Variants in GLRA1 observed in about 807,000 individuals in gnomAD.
The protein encoded by GLRA1 is glycine receptor alpha 1.
Under a neutral mutation model 48.3 loss-of-function variants are expected in GLRA1, and 37 were observed. The observed-to-expected ratio is 0.77, with a 90% CI of 0.59 to 1.01. The LOEUF is 1.01. GLRA1 is among the 50% of genes least tolerant of loss of function. The probability of loss-of-function intolerance (pLI) is 0.00; values close to 1 mark genes in which losing one functional copy is unlikely to be tolerated. For missense variants in GLRA1, 427 were observed against 571.0 expected (o/e 0.75, Z 2.57); for synonymous variants, 196 against 210.7 (o/e 0.93, Z 0.60).
chr5:151,825,956 G>A (rs1763260192), intron 8 of GLRA1, among the ~76,000 whole-genome samples: 1 of 152,184 alleles, frequency 6.6e-6, no homozygotes. Context: ...CTTACTCTAA[G>A]GAAACTATTC....
At chr5:151,851,001 T>A (rs765529475) in intron 7 of GLRA1, among the ~76,000 whole-genome samples, 15 of 152,214 alleles carry the variant, frequency 9.9e-5, no homozygotes, top group Non-Finnish European at 1.9e-4. Flanking sequence ...TCTCTAGATA[T>A]GAGATTAGTG....
chr5:151,921,351 G>A (rs555175195), intron 1 of GLRA1, among the ~76,000 whole-genome samples: 1 of 152,286 alleles, frequency 6.6e-6, no homozygotes, highest in South Asian at 2.1e-4. Flanking sequence ...CTGTACTGTG[G>A]TTTGAAACCT....
intron 1 of GLRA1, among the ~76,000 whole-genome samples, chr5:151,897,811 GATGTAGGTGA>G (rs1294450571): frequency 1.3e-5 from 2 of 152,176 alleles, no homozygotes; most frequent in African/African-American, 4.8e-5. Context: ...AGTGTCTATG[GATGTAGGTGA>G]GTTTGTGTGA....
rs79659795 is a variant in GLRA1, at chr5:151,897,718, A to G, written c.57-5280T>C. Among the ~76,000 whole-genome samples the G allele has an allele frequency of 8.0e-3, 1,221 of 152,342 alleles. 19 individuals carry two copies. Among genetic ancestry groups the G allele is most frequent in the African/African-American group, 0.028 (1,146 of 41,586 alleles). On this transcript the variant is annotated intron_variant, in intron 1 of 8. Coordinates refer to ENST00000274576, the MANE Select transcript of GLRA1 (RefSeq NM_000171.4). Reference sequence around the variant, plus strand: ...TCTAGGACTATTTAGACACTCTTGCATAATAATCTGAAGATCCTTACATCC... The same window carrying G: ...TCTAGGACTATTTAGACACTCTTGCGTAATAATCTGAAGATCCTTACATCC...
intron 1 of GLRA1, among the ~76,000 whole-genome samples, chr5:151,923,925 C>T (rs368555377): frequency 2.5e-4 from 38 of 152,100 alleles, no homozygotes; most frequent in African/African-American, 9.2e-4. Flanking sequence ...CTATTGTTTC[C>T]AAGCACTCAG....
rs1273913661 is a variant in GLRA1, at chr5:151,924,635, T to G, written c.-86A>C. 2.5e-5 allele frequency: 21 copies of G among 849,562 alleles called. No homozygotes were observed. Among genetic ancestry groups the G allele is most frequent in the Non-Finnish European group, 3.7e-5 (18 of 481,616 alleles). The allele number at this position is 849,562 out of a possible 1,614,324, so 52.6% of individuals were successfully genotyped here. On this transcript the variant is annotated 5_prime_UTR_variant, in exon 1 of 9. Transcript: ENST00000274576. ...CACTTACAAAACCAGAAAGCGCTAT[T>G]GCAAAAAATAATCCAGATGTTAAAG...
chr5:151,848,399 C>T (rs1179377063), intron 7 of GLRA1, among the ~76,000 whole-genome samples: 1 of 152,112 alleles, frequency 6.6e-6, no homozygotes, highest in South Asian at 2.1e-4. Flanking sequence ...TGGAGTCTCA[C>T]TCTGTTGCCC....
chr5:151,823,902 T>C (rs1465485473), intron 8 of GLRA1, among the ~76,000 whole-genome samples: 1 of 152,096 alleles, frequency 6.6e-6, no homozygotes, highest in Non-Finnish European at 1.5e-5. Flanking sequence ...GCTCTCCTCA[T>C]GTCCAGCTTT....
chr5:151,826,341 C>T (rs1763268987), intron 8 of GLRA1, among the ~76,000 whole-genome samples: 1 of 152,152 alleles, frequency 6.6e-6, no homozygotes, highest in Non-Finnish European at 1.5e-5. Flanking sequence ...TCTGGCCTTC[C>T]GGCTACTAGT....
chr5:151,908,656 GT>G lies in GLRA1; in HGVS notation c.56+15837del, dbSNP rs894409441. On this transcript the variant is annotated intron_variant, in intron 1 of 8. Transcript: ENST00000274576. ...TCTCCACATTTCTCTCCCCTTTCTT[GT>G]TTTTTTTTTAAATTGTTCATTTTAT... 6.7e-5 allele frequency among the ~76,000 whole-genome samples: 10 copies of G among 148,346 alleles called. No homozygotes were observed. The East Asian group carries it at 9.8e-4, about 15-fold the overall frequency.
intron 7 of GLRA1, among the ~76,000 whole-genome samples, chr5:151,847,725 CAAA>C (rs769363716): frequency 2.3e-5 from 2 of 87,734 alleles, no homozygotes; most frequent in African/African-American, 4.0e-5. Context: ...GACTTCGTCT[CAAA>C]AAAAAAAAAA....
chr5:151,906,121 A>G (rs953617574), intron 1 of GLRA1, among the ~76,000 whole-genome samples: 1 of 152,194 alleles, frequency 6.6e-6, no homozygotes, highest in Non-Finnish European at 1.5e-5. Context: ...TAACACTTTC[A>G]ATTTGTTTCC....
intron 1 of GLRA1, among the ~76,000 whole-genome samples, chr5:151,912,614 G>A (rs889275527): frequency 6.6e-6 from 1 of 152,204 alleles, no homozygotes; most frequent in African/African-American, 2.4e-5. Flanking sequence ...GTGAGATACA[G>A]CAGTGCTTTA....
chr5:151,883,007 G>A (rs1431851755), intron 3 of GLRA1, among the ~76,000 whole-genome samples: 1 of 152,098 alleles, frequency 6.6e-6, no homozygotes, highest in African/African-American at 2.4e-5. Flanking sequence ...ACCTATTGGT[G>A]ATGTTAAGTG....
intron 1 of GLRA1, among the ~76,000 whole-genome samples, chr5:151,917,593 A>G (rs1384600719): frequency 2.6e-5 from 4 of 152,140 alleles, no homozygotes; most frequent in African/African-American, 9.7e-5. Flanking sequence ...TTGCTCTTTT[A>G]TATATTTGTT....
intron 1 of GLRA1, among the ~76,000 whole-genome samples, chr5:151,911,390 T>C (rs1380783460): frequency 6.6e-6 from 1 of 152,168 alleles, no homozygotes; most frequent in Non-Finnish European, 1.5e-5. Flanking sequence ...CTTTTTACAC[T>C]TGTTGCTTGC....
At chr5:151,829,880 C>T (rs1332883282) in intron 7 of GLRA1, among the ~76,000 whole-genome samples, 1 of 152,208 alleles carries the variant, frequency 6.6e-6, no homozygotes, top group Admixed American at 6.5e-5. Context: ...GGTTCATTCA[C>T]ATCGTAACAT....
intron 3 of GLRA1, among the ~76,000 whole-genome samples, chr5:151,868,953 G>A (rs1200979391): frequency 3.3e-5 from 5 of 152,272 alleles, no homozygotes; most frequent in South Asian, 2.1e-4. Flanking sequence ...TACATTTGTT[G>A]TAAAGAACTG....
chr5:151,852,373 G>A (rs1457538592), intron 6 of GLRA1, among the ~76,000 whole-genome samples: 1 of 152,160 alleles, frequency 6.6e-6, no homozygotes, highest in Non-Finnish European at 1.5e-5. Context: ...CTCTTTTTCT[G>A]TGTTCCCTGA....
Sources: gnomAD v4.1 joint callset for allele counts (sites outside exome capture counted in the v4.1 genomes callset) on GRCh38, gnomAD v4.1.1 for gene constraint, MANE v1.5 for transcripts, NCBI Gene and HGNC (gene_info 2026-07-23, HGNC 2026-07-21) for gene names.